LRRC69: variants seen among roughly 807,000 people sequenced by gnomAD.
LRRC69 encodes leucine-rich repeat-containing protein 69.
Under a neutral mutation model 37.8 loss-of-function variants are expected in LRRC69, and 42 were observed. The observed-to-expected ratio is 1.11, with a 90% CI of 0.87 to 1.44. LRRC69 has a LOEUF of 1.44. Among genes scored for constraint, LRRC69 ranks in the 40% most tolerant of loss-of-function variants. The pLI, the probability that LRRC69 is intolerant of heterozygous loss-of-function variation, is 0.00. For missense variants in LRRC69, 357 were observed against 401.9 expected, an observed-to-expected ratio of 0.89 and a Z score of 0.96; for synonymous variants, 141 against 143.1, an observed-to-expected ratio of 0.99 and a Z score of 0.11.
chr8:91,111,688 A>G lies in LRRC69; in HGVS notation c.183+8844A>G, dbSNP rs191690055. On this transcript the variant is annotated intron_variant, in intron 1 of 7. Coordinates refer to ENST00000448384, the Ensembl canonical transcript of LRRC69. ...AGTGGCAGCTAAATGATAAGAACGC[A>G]TGGACACATAGAGGGGAATAACACA... Among the ~76,000 whole-genome samples, 148 of 152,094 alleles carry G rather than the reference A, an allele frequency of 9.7e-4. 1 individual carries two copies. Among genetic ancestry groups the G allele is most frequent in the African/African-American group, 3.4e-3 (143 of 41,550 alleles).
intron 5 of LRRC69, among the ~76,000 whole-genome samples, chr8:91,181,488 TAGATATCAG>T (rs1007939468): frequency 7.2e-5 from 11 of 152,302 alleles, no homozygotes; most frequent in Admixed American, 3.3e-4. Flanking sequence ...GTGGCATGTT[TAGATATCAG>T]AGATACAACA....
chr8:91,199,142 A>G (rs9987346), intron 6 of LRRC69, among the ~76,000 whole-genome samples: 4,785 of 152,272 alleles, frequency 0.031, 238 homozygotes, highest in African/African-American at 0.11. Context: ...CAGCTTTATA[A>G]TAAGACTTGG....
intron 1 of LRRC69, among the ~76,000 whole-genome samples, chr8:91,119,124 A>G (rs1813570640): frequency 6.6e-6 from 1 of 152,074 alleles, no homozygotes; most frequent in African/African-American, 2.4e-5. Flanking sequence ...TTCCTCTAGC[A>G]TTCAGAAATA....
At chr8:91,114,156 AAAGT>A (rs904795466) in intron 1 of LRRC69, among the ~76,000 whole-genome samples, 32 of 152,072 alleles carry the variant, frequency 2.1e-4, no homozygotes, top group African/African-American at 6.3e-4. Context: ...AGAAAGACAA[AAAGT>A]AAGTATTCAC....
rs146649084 is a variant in LRRC69 at position 91,197,614 on chromosome 8, C to T, written c.754-2999C>T. 7.4e-3 allele frequency among the ~76,000 whole-genome samples: 1,120 copies of T among 152,040 alleles called. 14 individuals are homozygous for T. The highest frequency in any genetic ancestry group is 0.01 in the Middle Eastern group (3 of 294). Reference sequence around the variant, plus strand: ...GGGAGTGACCCGATTTTCCAGATGCCGTCCGACACCCCTTTCTTTGACTAG... The same window carrying T: ...GGGAGTGACCCGATTTTCCAGATGCTGTCCGACACCCCTTTCTTTGACTAG... On this transcript the variant is annotated intron_variant, in intron 6 of 7. Transcript: ENST00000448384.
Position 91,133,096 on chromosome 8 carries a change from T to G in LRRC69, c.384-14T>G, listed in dbSNP as rs1813836718. ...GAGTTTCATTCATATACTTTGGTGT[T>G]TTTTTTTTTTTAGATTAAAAAGTCT... On this transcript the variant is annotated splice_polypyrimidine_tract_variant and intron_variant, in intron 3 of 7. Transcript: ENST00000448384. 5.8e-6 allele frequency: 7 copies of G among 1,212,876 alleles called. No homozygotes were observed. Among genetic ancestry groups the G allele is most frequent in the Admixed American group, 3.2e-5 (1 of 31,344 alleles). 75.1% of individuals were successfully genotyped at this position (1,212,876 alleles called of 1,614,324 possible). A position where few individuals can be genotyped will look rare whatever the true frequency, so the allele number is the denominator to read the frequency against.
chr8:91,158,514 A>G (rs753398459), intron 5 of LRRC69: 144 of 1,120,874 alleles, frequency 1.3e-4, no homozygotes, highest in Non-Finnish European at 1.9e-4. Context: ...GATGAAGCCA[A>G]TGGGCGATGA....
intron 1 of LRRC69, among the ~76,000 whole-genome samples, chr8:91,117,018 A>G (rs981825593): frequency 6.6e-6 from 1 of 152,072 alleles, no homozygotes; most frequent in Non-Finnish European, 1.5e-5. Flanking sequence ...CAGATAGGCT[A>G]TAACTTTCAG....
At chr8:91,212,420 G>T (rs1171276269) in intron 7 of LRRC69, among the ~76,000 whole-genome samples, 1 of 152,102 alleles carries the variant, frequency 6.6e-6, no homozygotes, top group Non-Finnish European at 1.5e-5. Context: ...TGTATTAAAT[G>T]ATGTAATGTA....
intron 5 of LRRC69, among the ~76,000 whole-genome samples, chr8:91,137,231 A>G (rs1808438216): frequency 2.6e-5 from 4 of 152,122 alleles, no homozygotes; most frequent in African/African-American, 9.6e-5. Context: ...TCTGTGTCTT[A>G]ATTTAACTCT....
In LRRC69 at chr8:91,141,454, C is replaced by T. The variant is rs192870355; in HGVS notation, c.651+5715C>T. Among the ~76,000 whole-genome samples the T allele has an allele frequency of 1.8e-3, 281 of 152,160 alleles. 2 individuals carry two copies. The highest frequency in any genetic ancestry group is 6.6e-3 in the African/African-American group (273 of 41,562). On this transcript the variant is annotated intron_variant, in intron 5 of 7. Transcript: ENST00000448384. ...GGAGGACACTATTTAACCCATTATA[C>T]TTGATAGAACATTGAGTTTATTACT...
intron 5 of LRRC69, 42 bp from the exon 6 acceptor site, chr8:91,189,480 A>C (rs1809457227): frequency 7.8e-7 from 1 of 1,274,194 alleles, no homozygotes; most frequent in Non-Finnish European, 1.1e-6. Flanking sequence ...AGGTAGTTTC[A>C]TTATTTTGTT....
chr8:91,143,768 T>C (rs1230138619), intron 5 of LRRC69, among the ~76,000 whole-genome samples: 1 of 151,982 alleles, frequency 6.6e-6, no homozygotes, highest in Non-Finnish European at 1.5e-5. Flanking sequence ...GTTTCCTCTT[T>C]TACAGTATGA....
chr8:91,114,850 T>C (rs537281951), intron 1 of LRRC69, among the ~76,000 whole-genome samples: 1 of 152,168 alleles, frequency 6.6e-6, no homozygotes, highest in African/African-American at 2.4e-5. Context: ...TGTATATGCA[T>C]TGGAATATTA....
At chr8:91,202,866 C>T (rs1456551642) in intron 7 of LRRC69, among the ~76,000 whole-genome samples, 2 of 152,136 alleles carry the variant, frequency 1.3e-5, no homozygotes, top group African/African-American at 4.8e-5. Context: ...TGAGATTAGG[C>T]AGTAGGCTAT....
At chr8:91,170,144 T>A (rs997766970) in intron 5 of LRRC69, among the ~76,000 whole-genome samples, 18 of 111,288 alleles carry the variant, frequency 1.6e-4, no homozygotes, top group Admixed American at 1.5e-3. Context: ...CCACCAACAG[T>A]GTAAAAGTGT....
At chr8:91,135,711 G>A in exon 5 of LRRC69, 2 of 1,456,372 alleles carry the variant, frequency 1.4e-6, no homozygotes, top group East Asian at 5.7e-5. Flanking sequence ...GACATAGCTG[G>A]AAATATTATT....
At chr8:91,124,282 T>C (rs958543292) in intron 1 of LRRC69, among the ~76,000 whole-genome samples, 5 of 152,042 alleles carry the variant, frequency 3.3e-5, no homozygotes, top group Admixed American at 2.6e-4. Flanking sequence ...AATTAAAAAT[T>C]AAATTGTGCT....
chr8:91,108,670 T>A (rs1813361029), intron 1 of LRRC69, among the ~76,000 whole-genome samples: 1 of 152,038 alleles, frequency 6.6e-6, no homozygotes, highest in South Asian at 2.1e-4. Context: ...CAGGACGGCT[T>A]TGAATGTGGC....
Sources: gnomAD v4.1 joint callset for allele counts (sites outside exome capture counted in the v4.1 genomes callset) on GRCh38, gnomAD v4.1.1 for gene constraint, MANE v1.5 for transcripts, NCBI Gene and HGNC (gene_info 2026-07-23, HGNC 2026-07-21) for gene names.